The following CCDC93 variants were observed in gnomAD, a reference collection of about 807,000 sequenced individuals.
The protein encoded by CCDC93 is CCC complex scaffolding subunit CCDC93.
In CCDC93, 61 loss-of-function variants were observed where a neutral mutation model predicts 108.2. The observed-to-expected ratio is 0.56, with a 90% CI of 0.46 to 0.70. The LOEUF (loss-of-function observed/expected upper bound fraction) is 0.70. Ranked by LOEUF, CCDC93 falls within the 30% of genes least tolerant of loss-of-function variation. The probability of loss-of-function intolerance (pLI) is 0.00; values close to 1 mark genes in which losing one functional copy is unlikely to be tolerated. For synonymous variants in CCDC93, 276 were observed against 260.4 expected, an observed-to-expected ratio of 1.06 and a Z score of -0.58; for missense variants, 685 against 764.2, an observed-to-expected ratio of 0.90 and a Z score of 1.22.
intron 3 of CCDC93, chr2:118,001,169 TAC>T (rs1680839526): frequency 1.3e-5 from 5 of 396,798 alleles, no homozygotes; most frequent in Non-Finnish European, 2.2e-5. Context: ...TTTTTCTTCC[TAC>T]TTTTTTGGAT....
At chr2:118,013,560 C>T (rs1252224587) in intron 1 of CCDC93, among the ~76,000 whole-genome samples, 2 of 152,346 alleles carry the variant, frequency 1.3e-5, no homozygotes, top group Middle Eastern at 3.4e-3. Flanking sequence ...AGAGCGGTCT[C>T]GTGACTCCAG....
intron 11 of CCDC93, among the ~76,000 whole-genome samples, chr2:117,961,651 C>T (rs1679397226): frequency 6.6e-6 from 1 of 152,150 alleles, no homozygotes. Flanking sequence ...AGGAACAGGT[C>T]CGTAAACCAG....
At chr2:117,993,618 A>G (rs544557548) in intron 6 of CCDC93, among the ~76,000 whole-genome samples, 3 of 152,318 alleles carry the variant, frequency 2.0e-5, no homozygotes, top group Non-Finnish European at 4.4e-5. Context: ...CCTTGTTTTC[A>G]TATCATTCCA....
intron 12 of CCDC93, among the ~76,000 whole-genome samples, chr2:117,954,078 A>T (rs1288435641): frequency 6.6e-6 from 1 of 152,294 alleles, no homozygotes; most frequent in South Asian, 2.1e-4. Context: ...TTGATAGAGC[A>T]GCCTAAATGG....
At chr2:117,951,403 C>G (rs1679052785) in intron 13 of CCDC93, 1 of 985,292 alleles carries the variant, frequency 1.0e-6, no homozygotes, top group Non-Finnish European at 1.2e-6. Context: ...CTGACAATAA[C>G]TGAAGAGGTT....
rs138765937 is a variant in CCDC93, at chr2:117,945,535, A to G, written c.1344T>C (p.Thr448=). ...TGAGCAGGCAGGTACTTACGTCATGAGTCATTGCAGAGGTCAAGGTACCAG... is the reference window on the plus strand; with the variant it reads ...TGAGCAGGCAGGTACTTACGTCATGGGTCATTGCAGAGGTCAAGGTACCAG... The part of the protein sequence containing the change: ...EPPGTLTSAM[T]HDEDLDRRYN... The change falls in exon 17 of 24, where the codon ACT becomes ACC. Residue 448 remains threonine (T), a synonymous_variant. Coordinates refer to ENST00000376300, the MANE Select transcript of CCDC93 (RefSeq NM_019044.5). The G allele has an allele frequency of 1.7e-5, 27 of 1,613,810 alleles. No homozygotes were observed. The highest frequency in any genetic ancestry group is 2.2e-5 in the Non-Finnish European group (26 of 1,179,842).
chr2:117,930,893 CT>C (rs1370819271), intron 23 of CCDC93, 143 bp downstream of exon 23: 3 of 585,692 alleles, frequency 5.1e-6, no homozygotes, highest in African/African-American at 1.9e-5. Context: ...AGACGCCACA[CT>C]TCACTGCCAG....
chr2:117,938,016 G>C (rs185575469), intron 20 of CCDC93, among the ~76,000 whole-genome samples: 172 of 152,314 alleles, frequency 1.1e-3, no homozygotes, highest in Non-Finnish European at 2.0e-3. Flanking sequence ...CCTTATTAAA[G>C]TGGTAATTAG....
chr2:118,013,660 C>T lies in CCDC93; in HGVS notation c.42+294G>A, dbSNP rs528183580. Among the ~76,000 whole-genome samples the T allele has an allele frequency of 1.2e-3, 178 of 152,318 alleles. 1 individual carries two copies. The highest frequency in any genetic ancestry group is 4.1e-3 in the African/African-American group (171 of 41,578). On this transcript the variant is annotated intron_variant, in intron 1 of 23. Transcript: ENST00000376300. Reference sequence around the variant, plus strand: ...AGGGAGAAAGGTGGGAGCCCAGGACCCCGCGGCGCGTGGGGCTGCGTCAGA... The same window carrying T: ...AGGGAGAAAGGTGGGAGCCCAGGACTCCGCGGCGCGTGGGGCTGCGTCAGA...
chr2:117,936,916 A>T lies in CCDC93; in HGVS notation c.1606-177T>A, dbSNP rs1046212149. The T allele has an allele frequency of 5.0e-6, 3 of 599,966 alleles. No homozygotes were observed. The East Asian group carries it at 8.6e-5, about 17-fold the overall frequency. The allele number at this position is 599,966 out of a possible 1,614,324, so 37.2% of individuals were successfully genotyped here. A position where few individuals can be genotyped will look rare whatever the true frequency, so the allele number is the denominator to read the frequency against. On this transcript the variant is annotated intron_variant, in intron 20 of 23. Coordinates refer to ENST00000376300, the MANE Select transcript of CCDC93 (RefSeq NM_019044.5). ...ATTAGCCACATGTTCTGTCTCACAG[A>T]TTTCCTCAGGGAATCCACCTTCTTC...
intron 12 of CCDC93, among the ~76,000 whole-genome samples, chr2:117,953,445 A>G (rs1178857867): frequency 6.6e-6 from 1 of 152,152 alleles, no homozygotes; most frequent in Admixed American, 6.5e-5. Context: ...TGCAATGACA[A>G]CTTTTATTAG....
chr2:117,983,564 G>T (rs1461492072), intron 7 of CCDC93, among the ~76,000 whole-genome samples: 1 of 135,504 alleles, frequency 7.4e-6, no homozygotes, highest in African/African-American at 2.8e-5. Flanking sequence ...ATTATAATAA[G>T]GAGAATGATG....
At chr2:117,951,283 G>C (rs1679049749) in intron 13 of CCDC93, 1 of 985,414 alleles carries the variant, frequency 1.0e-6, no homozygotes, top group Non-Finnish European at 1.2e-6. Context: ...CCCAGTCACA[G>C]AGCAATGTAA....
At chr2:118,008,768 T>C (rs1266035108) in intron 1 of CCDC93, 110 bp from the exon 2 acceptor site, 2 of 675,894 alleles carry the variant, frequency 3.0e-6, no homozygotes, top group Non-Finnish European at 5.3e-6. Context: ...TGACATTGGC[T>C]ACATCACCAC....
chr2:117,920,777 T>C (rs747599117), intron 23 of CCDC93, among the ~76,000 whole-genome samples: 1 of 152,024 alleles, frequency 6.6e-6, no homozygotes, highest in Non-Finnish European at 1.5e-5. Context: ...TAAAAAGAGA[T>C]AAAAGGGAGC....
chr2:117,970,171 G>C (rs1018673108), intron 11 of CCDC93, among the ~76,000 whole-genome samples: 1 of 152,018 alleles, frequency 6.6e-6, no homozygotes, highest in African/African-American at 2.4e-5. Context: ...TAAAATAGAA[G>C]TATAAACCAA....
intron 6 of CCDC93, among the ~76,000 whole-genome samples, chr2:117,991,051 G>A (rs1328655165): frequency 6.6e-6 from 1 of 151,634 alleles, no homozygotes; most frequent in East Asian, 1.9e-4. Flanking sequence ...CATAACCAAA[G>A]ATGAATGCAA....
chr2:117,923,680 G>C (rs4497885), intron 23 of CCDC93, among the ~76,000 whole-genome samples: 3,747 of 145,328 alleles, frequency 0.026, 59 homozygotes, highest in Non-Finnish European at 0.029. Flanking sequence ...CTGCCTGCCT[G>C]CCTCTATAGA....
In CCDC93 at chr2:117,916,264, A is replaced by C. The variant is rs1454699548; in HGVS notation, c.*4079T>G. 2 of 152,028 alleles carry C rather than the reference A, an allele frequency of 1.3e-5. No homozygotes were observed. The highest frequency in any genetic ancestry group is 4.8e-5 in the African/African-American group (2 of 41,382). 9.4% of individuals were successfully genotyped at this position (152,028 alleles called of 1,614,324 possible). On this transcript the variant is annotated 3_prime_UTR_variant, in exon 24 of 24. Transcript: ENST00000376300. ...CAAGTTACCTTTAGGTTCATGACACATTTTGAGCCAAAACATACCTTATCT... is the reference window on the plus strand; with the variant it reads ...CAAGTTACCTTTAGGTTCATGACACCTTTTGAGCCAAAACATACCTTATCT...
Sources: gnomAD v4.1 joint callset for allele counts (sites outside exome capture counted in the v4.1 genomes callset) on GRCh38, gnomAD v4.1.1 for gene constraint, MANE v1.5 for transcripts, NCBI Gene and HGNC (gene_info 2026-07-23, HGNC 2026-07-21) for gene names.